Variants in ZFP2 observed in about 807,000 individuals in gnomAD.
The protein encoded by ZFP2 is ZFP2 zinc finger protein.
In ZFP2, 33 loss-of-function variants were observed where a neutral mutation model predicts 36.1. The ratio of observed to expected loss-of-function variants is 0.92; its 90% CI spans 0.69 to 1.22. ZFP2 has a LOEUF of 1.22. Among genes scored for constraint, ZFP2 ranks in the 50% most tolerant of loss-of-function variants. The pLI is 0.00. For synonymous variants in ZFP2, 170 were observed against 178.0 expected (o/e 0.96, Z 0.36); for missense variants, 522 against 551.4 (o/e 0.95, Z 0.53).
intron 1 of ZFP2, chr5:178,910,318 C>T: frequency 8.3e-7 from 1 of 1,210,962 alleles, no homozygotes; most frequent in East Asian, 2.3e-5. Context: ...TCTTCCCACT[C>T]ATCCTTGTAG....
chr5:178,925,949 G>A (rs1758660293), intron 4 of ZFP2, among the ~76,000 whole-genome samples: 1 of 148,924 alleles, frequency 6.7e-6, no homozygotes, highest in Admixed American at 6.8e-5. Context: ...CCGGGCTCAG[G>A]CGATCCTCCC....
At chr5:178,930,261 A>G (rs994146726) in intron 4 of ZFP2, among the ~76,000 whole-genome samples, 4 of 125,458 alleles carry the variant, frequency 3.2e-5, no homozygotes, top group African/African-American at 1.2e-4. Context: ...TTCCTATCAT[A>G]TTTCATTTTA....
At chr5:178,896,217 G>A (rs1476038315) in intron 1 of ZFP2, among the ~76,000 whole-genome samples, 1 of 152,222 alleles carries the variant, frequency 6.6e-6, no homozygotes, top group Non-Finnish European at 1.5e-5. Flanking sequence ...GTGTCCTTCG[G>A]CGCTGTCCTG....
At chr5:178,904,559 A>T (rs1335237880) in intron 1 of ZFP2, among the ~76,000 whole-genome samples, 4 of 150,876 alleles carry the variant, frequency 2.7e-5, no homozygotes, top group Non-Finnish European at 5.9e-5. Flanking sequence ...TTTATATTAT[A>T]ATATAGTTTA....
At chr5:178,930,214 C>T (rs1016971259) in intron 4 of ZFP2, among the ~76,000 whole-genome samples, 4 of 151,292 alleles carry the variant, frequency 2.6e-5, no homozygotes, top group African/African-American at 9.7e-5. Flanking sequence ...GGTGGGGACA[C>T]ACATCCAAAC....
At chr5:178,908,663 G>A (rs150537826) in intron 1 of ZFP2, among the ~76,000 whole-genome samples, 44 of 146,254 alleles carry the variant, frequency 3.0e-4, no homozygotes, top group African/African-American at 1.0e-3. Flanking sequence ...GAAATGGCAG[G>A]CTTATTCTAT....
In ZFP2 at chr5:178,924,815, T is replaced by C. The variant is rs112063104; in HGVS notation, c.-77-6422T>C. ...GTAAGCCGAGATTGCGCCATTGCAC[T>C]ACACCCTGGGCGACAAGAGCAAAAC... is the stretch of plus-strand genomic sequence containing the variant. On this transcript the variant is annotated intron_variant, in intron 4 of 4. Transcript: ENST00000361362. Among the ~76,000 whole-genome samples the C allele has an allele frequency of 4.4e-3, 650 of 148,430 alleles. 21 individuals are homozygous for C. The highest frequency in any genetic ancestry group is 0.015 in the African/African-American group (615 of 41,074).
At chr5:178,929,702 C>G (rs1561685690) in intron 4 of ZFP2, among the ~76,000 whole-genome samples, 1 of 151,840 alleles carries the variant, frequency 6.6e-6, no homozygotes, top group Non-Finnish European at 1.5e-5. Context: ...ATCTTCCTAT[C>G]TTCTTCTGGG....
intron 1 of ZFP2, among the ~76,000 whole-genome samples, chr5:178,908,785 A>G (rs1314583158): frequency 6.6e-6 from 1 of 152,218 alleles, no homozygotes; most frequent in African/African-American, 2.4e-5. Flanking sequence ...TGCCTAAAAC[A>G]TGGTACAGCA....
chr5:178,927,555 G>A (rs1028191009), intron 4 of ZFP2, among the ~76,000 whole-genome samples: 8 of 149,934 alleles, frequency 5.3e-5, no homozygotes, highest in Non-Finnish European at 1.2e-4. Flanking sequence ...GGAGTGTGAT[G>A]GCACAATCTC....
At chr5:178,911,657 G>A (rs1431707693) in intron 1 of ZFP2, among the ~76,000 whole-genome samples, 1 of 152,220 alleles carries the variant, frequency 6.6e-6, no homozygotes, top group African/African-American at 2.4e-5. Context: ...ATTTTAGACT[G>A]TGAGGGAGGT....
chr5:178,910,007 G>T, intron 1 of ZFP2: 1 of 1,425,662 alleles, frequency 7.0e-7, no homozygotes, highest in Non-Finnish European at 9.9e-7. Context: ...ATAGGGTGAT[G>T]GCTATTTGCC....
chr5:178,919,679 G>C (rs1758512455), intron 4 of ZFP2, among the ~76,000 whole-genome samples: 1 of 152,098 alleles, frequency 6.6e-6, no homozygotes, highest in South Asian at 2.1e-4. Context: ...TTTAATTATG[G>C]CTGGGCATAG....
chr5:178,909,947 C>T, intron 1 of ZFP2: 1 of 1,421,964 alleles, frequency 7.0e-7, no homozygotes, highest in African/African-American at 1.4e-5. Context: ...TTAGGAAGTT[C>T]AGCCATTGGT....
chr5:178,909,068 C>T (rs1758233673), intron 1 of ZFP2, among the ~76,000 whole-genome samples: 1 of 147,178 alleles, frequency 6.8e-6, no homozygotes, highest in Non-Finnish European at 1.5e-5. Context: ...GGGCGTAAAA[C>T]CCCTCGTGGC....
At chr5:178,905,743 T>G (rs1252481833) in intron 1 of ZFP2, among the ~76,000 whole-genome samples, 1 of 150,294 alleles carries the variant, frequency 6.7e-6, no homozygotes, top group Admixed American at 6.6e-5. Context: ...TTCACTTTCT[T>G]TTTTTTTTTC....
intron 1 of ZFP2, among the ~76,000 whole-genome samples, chr5:178,897,065 A>T (rs1757961606): frequency 6.6e-6 from 1 of 151,654 alleles, no homozygotes; most frequent in Non-Finnish European, 1.5e-5. Context: ...AGTATTATAA[A>T]CAGTATAGGC....
intron 4 of ZFP2, among the ~76,000 whole-genome samples, chr5:178,928,219 T>C (rs1183115953): frequency 6.6e-6 from 1 of 152,098 alleles, no homozygotes; most frequent in East Asian, 1.9e-4. Flanking sequence ...AATGAAATCA[T>C]ATCATTCTGC....
At position 178,907,671 on chromosome 5, in the gene ZFP2, T is replaced by C. The variant is rs1324671572; in HGVS notation, c.-449-4913T>C. On this transcript the variant is annotated intron_variant, in intron 1 of 4. Coordinates refer to ENST00000361362, the MANE Select transcript of ZFP2 (RefSeq NM_030613.4). ...TCAAGCAGAGCTGCATACCACAGTT[T>C]TCCTTAAAGTCAGTTGGCCGGCACA... Among the ~76,000 whole-genome samples the C allele has an allele frequency of 3.9e-5, 6 of 152,050 alleles. No homozygotes were observed. In the East Asian group the frequency reaches 1.2e-3, roughly 29 times the overall value.
Sources: gnomAD v4.1 joint callset for allele counts (sites outside exome capture counted in the v4.1 genomes callset) on GRCh38, gnomAD v4.1.1 for gene constraint, MANE v1.5 for transcripts, NCBI Gene and HGNC (gene_info 2026-07-23, HGNC 2026-07-21) for gene names.